PELI2: variants seen among roughly 807,000 people sequenced by gnomAD.
The protein encoded by PELI2 is pellino E3 ubiquitin protein ligase family member 2.
In PELI2, 23 loss-of-function variants were observed where a neutral mutation model predicts 42.3. The ratio of observed to expected loss-of-function variants is 0.54; its 90% CI spans 0.39 to 0.77. PELI2 has a LOEUF of 0.77. Among genes scored for constraint, PELI2 ranks in the 30% least tolerant of loss-of-function variants. The pLI, the probability that PELI2 is intolerant of heterozygous loss-of-function variation, is 0.00. For synonymous variants in PELI2, 245 were observed against 212.2 expected, an observed-to-expected ratio of 1.15 and a Z score of -1.34; for missense variants, 463 against 553.2, an observed-to-expected ratio of 0.84 and a Z score of 1.64.
intron 2 of PELI2, among the ~76,000 whole-genome samples, chr14:56,206,122 G>GTA (rs1297389037): frequency 3.9e-5 from 6 of 152,160 alleles, no homozygotes; most frequent in Non-Finnish European, 5.9e-5. Flanking sequence ...ATTTACTAGA[G>GTA]TATTTGCAGT....
chr14:56,227,419 T>C (rs776378655), intron 2 of PELI2, among the ~76,000 whole-genome samples: 10 of 152,186 alleles, frequency 6.6e-5, no homozygotes, highest in Non-Finnish European at 1.3e-4. Context: ...CCTAAGTATA[T>C]CTGGGATAAC....
At chr14:56,252,583 A>G (rs1360635872) in intron 2 of PELI2, among the ~76,000 whole-genome samples, 1 of 152,208 alleles carries the variant, frequency 6.6e-6, no homozygotes, top group African/African-American at 2.4e-5. Context: ...GTTAAGGAGC[A>G]GGAAGTTTAG....
At chr14:56,135,418 G>A (rs1047725232) in intron 1 of PELI2, among the ~76,000 whole-genome samples, 3 of 152,166 alleles carry the variant, frequency 2.0e-5, no homozygotes, top group Admixed American at 1.3e-4. Flanking sequence ...TGTAATGGGC[G>A]CATGCTCTCA....
intron 1 of PELI2, among the ~76,000 whole-genome samples, chr14:56,132,641 T>C (rs1883533677): frequency 6.6e-6 from 1 of 152,148 alleles, no homozygotes; most frequent in South Asian, 2.1e-4. Flanking sequence ...TCCATTCAGA[T>C]CAAATCCAGA....
At chr14:56,211,322 T>G (rs1215838537) in intron 2 of PELI2, among the ~76,000 whole-genome samples, 2 of 152,240 alleles carry the variant, frequency 1.3e-5, no homozygotes, top group Non-Finnish European at 2.9e-5. Flanking sequence ...TTCTTCTGGC[T>G]GGTGTACAGA....
At chr14:56,264,817 A>G (rs1888839683) in intron 2 of PELI2, among the ~76,000 whole-genome samples, 1 of 152,226 alleles carries the variant, frequency 6.6e-6, no homozygotes, top group African/African-American at 2.4e-5. Context: ...GCTCCTAGGA[A>G]CTGAATCCTG....
intron 2 of PELI2, among the ~76,000 whole-genome samples, chr14:56,242,635 T>C (rs898680771): frequency 6.6e-6 from 1 of 152,012 alleles, no homozygotes; most frequent in Admixed American, 6.6e-5. Context: ...ATAAAGAAAA[T>C]GTGGTATATA....
intron 2 of PELI2, among the ~76,000 whole-genome samples, chr14:56,186,477 C>T (rs1386893066): frequency 1.3e-5 from 2 of 152,176 alleles, no homozygotes; most frequent in African/African-American, 4.8e-5. Flanking sequence ...TTGTTTTTAG[C>T]TGCTAAGTTT....
At chr14:56,275,545 A>G (rs1480317693) in intron 2 of PELI2, among the ~76,000 whole-genome samples, 1 of 152,168 alleles carries the variant, frequency 6.6e-6, no homozygotes, top group Non-Finnish European at 1.5e-5. Flanking sequence ...AGATTCTCAT[A>G]AGGAGCGCAC....
At chr14:56,246,615 G>A (rs1344795517) in intron 2 of PELI2, among the ~76,000 whole-genome samples, 4 of 152,136 alleles carry the variant, frequency 2.6e-5, no homozygotes, top group Admixed American at 6.5e-5. Flanking sequence ...GTTTACGGAC[G>A]TAGGCCAACT....
At chr14:56,282,761 A>G (rs1462070904) in intron 3 of PELI2, among the ~76,000 whole-genome samples, 1 of 152,124 alleles carries the variant, frequency 6.6e-6, no homozygotes, top group Non-Finnish European at 1.5e-5. Flanking sequence ...CTGTTAAGGA[A>G]AATATCTTCC....
chr14:56,181,216 G>A (rs1484125257), intron 2 of PELI2, among the ~76,000 whole-genome samples: 3 of 151,918 alleles, frequency 2.0e-5, no homozygotes, highest in South Asian at 2.1e-4. Flanking sequence ...TGTTTGCCAC[G>A]GTTATTGGCC....
intron 1 of PELI2, among the ~76,000 whole-genome samples, chr14:56,138,114 C>A (rs984639762): frequency 3.9e-5 from 6 of 152,186 alleles, no homozygotes; most frequent in Admixed American, 1.3e-4. Flanking sequence ...CTCGCTGCAC[C>A]GGCTTGCCAC....
At chr14:56,277,167 G>T (rs1348512553) in intron 2 of PELI2, among the ~76,000 whole-genome samples, 5 of 152,190 alleles carry the variant, frequency 3.3e-5, no homozygotes, top group Non-Finnish European at 7.3e-5. Flanking sequence ...CAAGGTAGTG[G>T]TCTGTGGCCT....
intron 2 of PELI2, among the ~76,000 whole-genome samples, chr14:56,187,117 A>G (rs1326872656): frequency 6.6e-6 from 1 of 152,220 alleles, no homozygotes; most frequent in Non-Finnish European, 1.5e-5. Context: ...CAGGTGCGCT[A>G]CCCAGGACCC....
chr14:56,237,621 G>A (rs1887843431), intron 2 of PELI2, among the ~76,000 whole-genome samples: 1 of 150,850 alleles, frequency 6.6e-6, no homozygotes, highest in Admixed American at 6.6e-5. Flanking sequence ...TGCTTCTTGG[G>A]CAATATGGTT....
At chr14:56,172,279 G>A (rs892552863) in intron 1 of PELI2, among the ~76,000 whole-genome samples, 1 of 152,188 alleles carries the variant, frequency 6.6e-6, no homozygotes, top group Admixed American at 6.5e-5. Flanking sequence ...TTAGCGGGGT[G>A]GCTGGAAGGG....
At chr14:56,177,045 A>G (rs1363615098) in intron 1 of PELI2, among the ~76,000 whole-genome samples, 1 of 152,262 alleles carries the variant, frequency 6.6e-6, no homozygotes, top group African/African-American at 2.4e-5. Flanking sequence ...GAGAAAAACT[A>G]GAGGAATAAG....
At chr14:56,172,030 G>GA (rs1359686200) in intron 1 of PELI2, among the ~76,000 whole-genome samples, 3 of 152,022 alleles carry the variant, frequency 2.0e-5, no homozygotes, top group Non-Finnish European at 4.4e-5. Context: ...AAAAGAAAAA[G>GA]AAAAAAAGAT....
Sources: gnomAD v4.1 joint callset for allele counts (sites outside exome capture counted in the v4.1 genomes callset) on GRCh38, gnomAD v4.1.1 for gene constraint, MANE v1.5 for transcripts, NCBI Gene and HGNC (gene_info 2026-07-23, HGNC 2026-07-21) for gene names.